Variants in OR6B1 observed in about 807,000 individuals in gnomAD.
OR6B1 encodes the protein olfactory receptor 6B1.
OR6B1 carries 15 observed loss-of-function variants against 15.4 expected under a neutral mutation model. The observed-to-expected ratio is 0.97, with a 90% CI of 0.65 to 1.50. OR6B1 has a LOEUF of 1.50. Among genes scored for constraint, OR6B1 ranks in the 40% most tolerant of loss-of-function variants. OR6B1 has a pLI of 0.00. For synonymous variants in OR6B1, 139 were observed against 144.9 expected (o/e 0.96, Z 0.29); for missense variants, 384 against 385.0 (o/e 1.00, Z 0.02).
At chr7:144,001,345 T>A (rs1231335739) in intron 1 of OR6B1, among the ~76,000 whole-genome samples, 1 of 152,244 alleles carries the variant, frequency 6.6e-6, no homozygotes, top group Non-Finnish European at 1.5e-5. Flanking sequence ...TTTGTTTTTC[T>A]TGTAGAGCTT....
chr7:144,000,624 C>T lies in OR6B1; in HGVS notation c.-52C>T, dbSNP rs13240867. On this transcript the variant is annotated 5_prime_UTR_variant, in exon 1 of 2. Coordinates refer to ENST00000641698, the MANE Select transcript of OR6B1 (RefSeq NM_001005281.3). ...TGGTGAAGGCTTTGTTTTCACATTT[C>T]ATCCTATCAGAGGCTGCTGTGCCAA... The T allele has an allele frequency of 0.39, 60,076 of 152,454 alleles. 12,490 individuals are homozygous for T. Among genetic ancestry groups the T allele is most frequent in the East Asian group, 0.58 (2,985 of 5,166 alleles). 9.4% of individuals were successfully genotyped at this position (152,454 alleles called of 1,614,324 possible).
chr7:144,000,948 C>T (rs956528447), intron 1 of OR6B1, among the ~76,000 whole-genome samples: 28 of 152,184 alleles, frequency 1.8e-4, no homozygotes, highest in Non-Finnish European at 2.9e-4. Flanking sequence ...ACCATTGACC[C>T]GATGACCTGA....
In OR6B1 at chr7:144,004,106, T is replaced by A; in HGVS notation, c.110T>A (p.Leu37Gln). Residue 37 changes from leucine to glutamine, a missense_variant, in exon 2 of 2, where the codon CTG becomes CAG. Transcript: ENST00000641698. ...CTGATATTCCTTGTGGCCTATATTC[T>A]GACAGTGGCTGAAAACGTGATCATC... is the stretch of plus-strand genomic sequence containing the variant. The part of the protein sequence containing the change: ...MFLIFLVAYI[L>Q]TVAENVIIIL... The A allele has an allele frequency of 1.2e-6, 2 of 1,614,114 alleles. No individual in the cohort carries two copies. The highest frequency in any genetic ancestry group is 1.7e-6 in the Non-Finnish European group (2 of 1,180,018).
At chr7:144,002,981 T>A (rs1352007921) in intron 1 of OR6B1, among the ~76,000 whole-genome samples, 1 of 152,202 alleles carries the variant, frequency 6.6e-6, no homozygotes, top group African/African-American at 2.4e-5. Flanking sequence ...CTTAGTATTA[T>A]GTTGTGTCTG....
chr7:144,008,515 T>C lies in OR6B1; in HGVS notation c.*3583T>C, dbSNP rs2050640189. Reference sequence around the variant, plus strand: ...TCTGTTTCCCTACCCAAATCTCATCTTGATTGTAATCCCCACATATCAAAA... The same window carrying C: ...TCTGTTTCCCTACCCAAATCTCATCCTGATTGTAATCCCCACATATCAAAA... On this transcript the variant is annotated 3_prime_UTR_variant, in exon 2 of 2. Transcript: ENST00000641698. 1 of 152,224 alleles carries C rather than the reference T, an allele frequency of 6.6e-6. No homozygotes were observed. Among genetic ancestry groups the C allele is most frequent in the Non-Finnish European group, 1.5e-5 (1 of 68,062 alleles). The allele number at this position is 152,224 out of a possible 1,614,324, so 9.4% of individuals were successfully genotyped here.
chr7:144,007,806 GAA>G lies in OR6B1; in HGVS notation c.*2882_*2883del, dbSNP rs1349837162. 6.7e-6 allele frequency: 1 copy of G among 149,268 alleles called. No homozygotes were observed. Among genetic ancestry groups the G allele is most frequent in the Non-Finnish European group, 1.5e-5 (1 of 67,292 alleles). The allele number at this position is 149,268 out of a possible 1,614,324, so 9.2% of individuals were successfully genotyped here. A position where few individuals can be genotyped will look rare whatever the true frequency, so the allele number is the denominator to read the frequency against. On this transcript the variant is annotated 3_prime_UTR_variant, in exon 2 of 2. Coordinates refer to ENST00000641698, the MANE Select transcript of OR6B1 (RefSeq NM_001005281.3). ...GGAACTTGTGATTGGGAACTTATTT[GAA>G]AAAAAAAGAGTCTTTGAAATATAAT...
chr7:144,000,675 A>G (rs2050580401), intron 1 of OR6B1, 25 bp downstream of exon 1: 1 of 152,628 alleles, frequency 6.6e-6, no homozygotes, highest in South Asian at 2.1e-4. Context: ...TCAGAGCATT[A>G]CTTTCTCACT....
In OR6B1 at chr7:144,003,982, C is replaced by T; in HGVS notation, c.-15C>T. 1.3e-6 allele frequency: 2 copies of T among 1,582,398 alleles called. No individual in the cohort carries two copies. Among genetic ancestry groups the T allele is most frequent in the Non-Finnish European group, 1.7e-6 (2 of 1,158,752 alleles). On this transcript the variant is annotated 5_prime_UTR_variant, in exon 2 of 2. Coordinates refer to ENST00000641698, the MANE Select transcript of OR6B1 (RefSeq NM_001005281.3). Reference sequence around the variant, plus strand: ...ATTTTTCCTCCCCAGGAGAGCTAAGCCCTGTGTCTCCAATATGGAGTTGGA... The same window carrying T: ...ATTTTTCCTCCCCAGGAGAGCTAAGTCCTGTGTCTCCAATATGGAGTTGGA...
Position 144,007,231 on chromosome 7 carries a change from G to A in OR6B1, c.*2299G>A, listed in dbSNP as rs1263258365. ...TCCCCTTTGTGGAAGGAATACCTAA[G>A]TGCACAGGCTCAGCAAAGTAAGGAC... On this transcript the variant is annotated 3_prime_UTR_variant, in exon 2 of 2. Transcript: ENST00000641698. The A allele has an allele frequency of 6.6e-6, 1 of 152,100 alleles. No individual in the cohort carries two copies. The highest frequency in any genetic ancestry group is 2.4e-5 in the African/African-American group (1 of 41,416). The allele number at this position is 152,100 out of a possible 1,614,324, so 9.4% of individuals were successfully genotyped here. A position where few individuals can be genotyped will look rare whatever the true frequency, so the allele number is the denominator to read the frequency against.
chr7:144,001,200 T>G (rs1305206491), intron 1 of OR6B1, among the ~76,000 whole-genome samples: 1 of 152,188 alleles, frequency 6.6e-6, no homozygotes, highest in Non-Finnish European at 1.5e-5. Flanking sequence ...CATGTTTGAG[T>G]ATGCTTAATG....
chr7:144,004,002 G>C lies in OR6B1; in HGVS notation c.6G>C (p.Glu2Asp). 6.2e-7 allele frequency: 1 copy of C among 1,606,334 alleles called. No individual in the cohort carries two copies. M[E>D]LENQTRVTKF... is the part of the protein sequence containing the mutation. ...CTAAGCCCTGTGTCTCCAATATGGA[G>C]TTGGAGAACCAGACACGAGTCACCA... The change falls in exon 2 of 2, where the codon GAG (glutamate) becomes GAC (aspartate). Residue 2 changes from glutamate (E) to aspartate (D), a missense_variant. Transcript: ENST00000641698.
intron 1 of OR6B1, among the ~76,000 whole-genome samples, chr7:144,001,631 C>T (rs1477683458): frequency 1.3e-5 from 2 of 152,198 alleles, no homozygotes; most frequent in Admixed American, 6.5e-5. Context: ...GTCTATACTT[C>T]AGGATAATTC....
chr7:144,004,965 G>GAGAAGGAGTGACAATGGCATAGAAGA lies in OR6B1; in HGVS notation c.*33_*34insAGAAGGAGTGACAATGGCATAGAAGA. The GAGAAGGAGTGACAATGGCATAGAAGA allele has an allele frequency of 1.4e-6, 2 of 1,477,988 alleles. No individual in the cohort carries two copies. The highest frequency in any genetic ancestry group is 1.8e-6 in the Non-Finnish European group (2 of 1,096,500). The allele number at this position is 1,477,988 out of a possible 1,614,324, so 91.6% of individuals were successfully genotyped here. A position where few individuals can be genotyped will look rare whatever the true frequency, so the allele number is the denominator to read the frequency against. On this transcript the variant is annotated 3_prime_UTR_variant, in exon 2 of 2. Coordinates refer to ENST00000641698, the MANE Select transcript of OR6B1 (RefSeq NM_001005281.3). Reference sequence around the variant, plus strand: ...CAGCTGATTAGAAAGAAAGGTCTGAGTGGGTGCCTGTATGTCTTCCTCCAT... The same window carrying GAGAAGGAGTGACAATGGCATAGAAGA: ...CAGCTGATTAGAAAGAAAGGTCTGAGAGAAGGAGTGACAATGGCATAGAAGATGGGTGCCTGTATGTCTTCCTCCAT...
In OR6B1 at chr7:144,004,122, C is replaced by T. The variant is rs199607903; in HGVS notation, c.126C>T (p.Asn42=). The T allele has an allele frequency of 7.4e-6, 12 of 1,613,992 alleles. No homozygotes were observed. Among genetic ancestry groups the T allele is most frequent in the Non-Finnish European group, 5.9e-6 (7 of 1,180,038 alleles). Residue 42 remains asparagine, a synonymous_variant, in exon 2 of 2, where the codon AAC becomes AAT. Transcript: ENST00000641698. ...LVAYILTVAE[N]VIIILLVLQN... ...CCTATATTCTGACAGTGGCTGAAAA[C>T]GTGATCATCATCCTATTGGTGCTGC... is the stretch of plus-strand genomic sequence containing the variant.
chr7:144,002,366 C>T (rs964987528), intron 1 of OR6B1, among the ~76,000 whole-genome samples: 11 of 152,122 alleles, frequency 7.2e-5, no homozygotes, highest in Non-Finnish European at 1.6e-4. Context: ...GATAGTAAGA[C>T]AGTTAGTAAA....
rs1274450848 is a variant in OR6B1 at position 144,006,884 on chromosome 7, T to A, written c.*1952T>A. The A allele has an allele frequency of 1.3e-5, 2 of 152,178 alleles. No individual in the cohort carries two copies. The highest frequency in any genetic ancestry group is 2.9e-5 in the Non-Finnish European group (2 of 68,038). 9.4% of individuals were successfully genotyped at this position (152,178 alleles called of 1,614,324 possible). A position where few individuals can be genotyped will look rare whatever the true frequency, so the allele number is the denominator to read the frequency against. ...GTTTCTTACGCAATGGTTATGAGGA[T>A]CAACTACCATGATGGAAAAGACATT... is the stretch of plus-strand genomic sequence containing the variant. On this transcript the variant is annotated 3_prime_UTR_variant, in exon 2 of 2. Transcript: ENST00000641698.
chr7:144,007,671 C>CATTT lies in OR6B1; in HGVS notation c.*2739_*2740insATTT. On this transcript the variant is annotated 3_prime_UTR_variant, in exon 2 of 2. Transcript: ENST00000641698. ...GAGCAGAAACAGATAGCAGATAATA[C>CATTT]CTTTGTGTGTGTGTGTGTGTGTGTG... The CATTT allele has an allele frequency of 8.3e-6, 1 of 121,140 alleles. No individual in the cohort carries two copies. Among genetic ancestry groups the CATTT allele is most frequent in the East Asian group, 3.0e-4 (1 of 3,318 alleles). 7.5% of individuals were successfully genotyped at this position (121,140 alleles called of 1,614,324 possible). A position where few individuals can be genotyped will look rare whatever the true frequency, so the allele number is the denominator to read the frequency against.
In OR6B1 at chr7:144,006,509, G is replaced by A. The variant is rs139781359; in HGVS notation, c.*1577G>A. On this transcript the variant is annotated 3_prime_UTR_variant, in exon 2 of 2. Coordinates refer to ENST00000641698, the MANE Select transcript of OR6B1 (RefSeq NM_001005281.3). Reference sequence around the variant, plus strand: ...AGAGAACAATGCTTAAAATGGAAAGGATTTAATGTTTGCTTCTGGAATGTA... The same window carrying A: ...AGAGAACAATGCTTAAAATGGAAAGAATTTAATGTTTGCTTCTGGAATGTA... 4.7e-4 allele frequency: 72 copies of A among 152,272 alleles called. No homozygotes were observed. Among genetic ancestry groups the A allele is most frequent in the African/African-American group, 1.6e-3 (66 of 41,568 alleles). 9.4% of individuals were successfully genotyped at this position (152,272 alleles called of 1,614,324 possible).
chr7:144,006,600 A>G lies in OR6B1; in HGVS notation c.*1668A>G, dbSNP rs955199047. On this transcript the variant is annotated 3_prime_UTR_variant, in exon 2 of 2. Coordinates refer to ENST00000641698, the MANE Select transcript of OR6B1 (RefSeq NM_001005281.3). ...ATTTCTATTTAAAATCTAGACACAC[A>G]AAAAAGAGATTATTTTCTGAAAACT... 5.9e-5 allele frequency: 9 copies of G among 152,228 alleles called. No individual in the cohort carries two copies. The highest frequency in any genetic ancestry group is 1.7e-4 in the African/African-American group (7 of 41,466). 9.4% of individuals were successfully genotyped at this position (152,228 alleles called of 1,614,324 possible).
Sources: gnomAD v4.1 joint callset for allele counts (sites outside exome capture counted in the v4.1 genomes callset) on GRCh38, gnomAD v4.1.1 for gene constraint, MANE v1.5 for transcripts, NCBI Gene and HGNC (gene_info 2026-07-23, HGNC 2026-07-21) for gene names.